The following MARCHF1 variants were observed in gnomAD, a reference collection of about 807,000 sequenced individuals.
The protein encoded by MARCHF1 is membrane associated ring-CH-type finger 1, also known as E3 ubiquitin-protein ligase MARCHF1.
A neutral mutation model predicts 54.2 loss-of-function variants in MARCHF1; 40 were observed. The ratio of observed to expected loss-of-function variants is 0.74; its 90% CI spans 0.57 to 0.96. MARCHF1 has a LOEUF of 0.96. Ranked by LOEUF, MARCHF1 falls within the 40% of genes least tolerant of loss-of-function variation. MARCHF1 has a pLI of 0.00. For missense variants in MARCHF1, 586 were observed against 656.5 expected (o/e 0.89, Z 1.17); for synonymous variants, 236 against 236.3 (o/e 1.00, Z 0.01).
intron 1 of MARCHF1, among the ~76,000 whole-genome samples, chr4:164,285,305 T>A (rs951357365): frequency 2.0e-5 from 3 of 152,086 alleles, no homozygotes; most frequent in African/African-American, 7.2e-5. Flanking sequence ...TGAGGCAAGA[T>A]GATTGCTTGA....
At chr4:163,771,144 C>G (rs1747145368) in intron 4 of MARCHF1, among the ~76,000 whole-genome samples, 1 of 152,126 alleles carries the variant, frequency 6.6e-6, no homozygotes, top group South Asian at 2.1e-4. Context: ...AATTATGTAT[C>G]CTTGAATTTA....
chr4:164,216,160 C>T (rs111650163), intron 1 of MARCHF1, among the ~76,000 whole-genome samples: 2 of 152,166 alleles, frequency 1.3e-5, no homozygotes, highest in Non-Finnish European at 2.9e-5. Context: ...TATAATGATA[C>T]CAACATTTGA....
At chr4:164,196,915 G>C in intron 1 of MARCHF1, 1 of 1,493,068 alleles carries the variant, frequency 6.7e-7, no homozygotes, top group Non-Finnish European at 9.3e-7. Context: ...GAGGGGGGAG[G>C]GGATATGGGT....
chr4:164,321,005 C>G (rs1235469096), intron 1 of MARCHF1, among the ~76,000 whole-genome samples: 3 of 152,158 alleles, frequency 2.0e-5, no homozygotes, highest in African/African-American at 7.2e-5. Context: ...GGACAAGCAT[C>G]AAAGAGTGAT....
chr4:164,036,350 T>C (rs1274262189), intron 2 of MARCHF1, among the ~76,000 whole-genome samples: 1 of 152,102 alleles, frequency 6.6e-6, no homozygotes, highest in Non-Finnish European at 1.5e-5. Context: ...AGAGATTGAA[T>C]GACTGAAGCA....
At chr4:164,031,555 T>C (rs1286679397) in intron 2 of MARCHF1, among the ~76,000 whole-genome samples, 2 of 152,204 alleles carry the variant, frequency 1.3e-5, no homozygotes, top group African/African-American at 4.8e-5. Flanking sequence ...TACTGAATTT[T>C]ATCAAAGGCC....
At chr4:164,064,048 G>T (rs893611860) in intron 2 of MARCHF1, among the ~76,000 whole-genome samples, 4 of 152,148 alleles carry the variant, frequency 2.6e-5, no homozygotes, top group African/African-American at 7.2e-5. Context: ...GTACCATGCT[G>T]TTTTGGTTAC....
chr4:163,780,748 C>G (rs1226362472), intron 4 of MARCHF1, among the ~76,000 whole-genome samples: 3 of 152,130 alleles, frequency 2.0e-5, no homozygotes, highest in Non-Finnish European at 4.4e-5. Flanking sequence ...ATAAACTTTT[C>G]TTCTTCTAAT....
chr4:164,165,139 C>T (rs980853741), intron 1 of MARCHF1, among the ~76,000 whole-genome samples: 3 of 151,872 alleles, frequency 2.0e-5, no homozygotes, highest in African/African-American at 7.3e-5. Context: ...TGTGGTTCTG[C>T]CCATTTTTCT....
intron 5 of MARCHF1, among the ~76,000 whole-genome samples, chr4:163,628,312 T>C (rs1358193141): frequency 6.6e-6 from 1 of 152,198 alleles, no homozygotes; most frequent in East Asian, 1.9e-4. Context: ...AACCACATGA[T>C]TATCTCAATA....
chr4:163,977,525 G>A (rs1752672839), intron 3 of MARCHF1, among the ~76,000 whole-genome samples: 1 of 151,872 alleles, frequency 6.6e-6, no homozygotes, highest in Non-Finnish European at 1.5e-5. Context: ...TTTTTCTTAG[G>A]CCATTTCTAT....
chr4:164,333,244 A>G (rs573551974), intron 1 of MARCHF1, among the ~76,000 whole-genome samples: 1 of 152,288 alleles, frequency 6.6e-6, no homozygotes, highest in African/African-American at 2.4e-5. Flanking sequence ...ATATGTATAT[A>G]AATATGTATA....
chr4:164,352,443 T>C (rs1730376643), intron 1 of MARCHF1, among the ~76,000 whole-genome samples: 1 of 140,974 alleles, frequency 7.1e-6, no homozygotes, highest in Non-Finnish European at 1.5e-5. Flanking sequence ...CAGAAGAGAG[T>C]GGGGGCCAAT....
chr4:163,866,080 G>A (rs1413896758), intron 3 of MARCHF1, among the ~76,000 whole-genome samples: 1 of 151,384 alleles, frequency 6.6e-6, no homozygotes, highest in Non-Finnish European at 1.5e-5. Context: ...TTGGTCTCTA[G>A]GGAACTCAGA....
intron 1 of MARCHF1, among the ~76,000 whole-genome samples, chr4:164,138,898 C>T (rs924066184): frequency 5.3e-5 from 8 of 152,112 alleles, no homozygotes; most frequent in African/African-American, 1.7e-4. Context: ...TTCTGAAATA[C>T]TGAGTTGGTA....
At chr4:163,540,523 G>C (rs1016139394) in intron 9 of MARCHF1, among the ~76,000 whole-genome samples, 3 of 152,030 alleles carry the variant, frequency 2.0e-5, no homozygotes, top group Non-Finnish European at 4.4e-5. Context: ...TTCTTAACTT[G>C]TTTTAATGGT....
At chr4:163,594,500 A>G (rs1414225237) in intron 7 of MARCHF1, among the ~76,000 whole-genome samples, 1 of 152,058 alleles carries the variant, frequency 6.6e-6, no homozygotes, top group East Asian at 1.9e-4. Context: ...CAATACACAC[A>G]CACACACAAA....
intron 1 of MARCHF1, among the ~76,000 whole-genome samples, chr4:164,331,445 T>C (rs1735431495): frequency 6.6e-6 from 1 of 152,240 alleles, no homozygotes; most frequent in East Asian, 1.9e-4. Context: ...TCTAGACTCC[T>C]CAATCATACA....
chr4:164,243,720 G>A lies in MARCHF1; in HGVS notation c.-322-132058C>T, dbSNP rs920545625. On this transcript the variant is annotated intron_variant, in intron 1 of 9. Transcript: ENST00000514618. Reference sequence around the variant, plus strand: ...GCTGTATTCAGGAAACCCATCTCACGGGCAGAGACATACATAGCCTCAAAA... The same window carrying A: ...GCTGTATTCAGGAAACCCATCTCACAGGCAGAGACATACATAGCCTCAAAA... Among the ~76,000 whole-genome samples the A allele has an allele frequency of 9.2e-5, 14 of 152,102 alleles. No homozygotes were observed. In the East Asian group the frequency reaches 9.6e-4, roughly 10 times the overall value.
Sources: allele counts gnomAD v4.1 joint callset (sites outside exome capture counted in the v4.1 genomes callset), GRCh38; gene constraint gnomAD v4.1.1; transcripts MANE v1.5; gene names NCBI Gene and HGNC (gene_info 2026-07-23, HGNC 2026-07-21).